Variants in ZMYM4 observed in about 807,000 individuals in gnomAD.
The protein encoded by ZMYM4 is zinc finger MYM-type protein 4.
A neutral mutation model predicts 183.2 loss-of-function variants in ZMYM4; 31 were observed. That is an observed-to-expected ratio of 0.17 (90% CI 0.13 to 0.23). The LOEUF (loss-of-function observed/expected upper bound fraction) is 0.23. Ranked by LOEUF, ZMYM4 falls within the 10% of genes least tolerant of loss-of-function variation. The pLI is 1.00. For synonymous variants in ZMYM4, 592 were observed against 631.2 expected (o/e 0.94, Z 0.93); for missense variants, 1,273 against 1,840.3 (o/e 0.69, Z 5.64).
intron 27 of ZMYM4, 57 bp downstream of exon 27, chr1:35,414,140 T>G: frequency 9.2e-7 from 1 of 1,089,088 alleles, no homozygotes. Flanking sequence ...TTGCTTAACT[T>G]TTTTGGTTAT....
intron 1 of ZMYM4, among the ~76,000 whole-genome samples, chr1:35,321,957 T>A (rs1207081387): frequency 4.9e-5 from 7 of 144,214 alleles, no homozygotes; most frequent in East Asian, 4.0e-4. Context: ...ATATTGCATT[T>A]AAAAAAAAAA....
intron 24 of ZMYM4, 23 bp downstream of exon 24, chr1:35,405,217 A>G: frequency 2.5e-6 from 4 of 1,609,748 alleles, no homozygotes; most frequent in Non-Finnish European, 3.4e-6. Flanking sequence ...CATGAATTGT[A>G]TCTTGATTTA....
intron 1 of ZMYM4, 26 bp downstream of exon 1, chr1:35,269,111 G>T (rs1425334296): frequency 1.0e-5 from 16 of 1,545,476 alleles, no homozygotes; most frequent in Non-Finnish European, 1.4e-5. Context: ...CAGAACTCGG[G>T]CGGCGGGGGG....
intron 1 of ZMYM4, among the ~76,000 whole-genome samples, chr1:35,272,116 C>G (rs1436557569): frequency 6.6e-6 from 1 of 151,902 alleles, no homozygotes; most frequent in Non-Finnish European, 1.5e-5. Context: ...CATGTGGATT[C>G]CATATGTATA....
At chr1:35,370,168 G>T in intron 6 of ZMYM4, 55 bp downstream of exon 6, 1 of 1,583,290 alleles carries the variant, frequency 6.3e-7, no homozygotes, top group South Asian at 1.1e-5. Context: ...ATATGAATGA[G>T]AAGAAATTCT....
At position 35,359,124 on chromosome 1, in the gene ZMYM4, T is replaced by C. The variant is rs1183574307; in HGVS notation, c.285T>C (p.Phe95=). ...GTGACAATGAGGATGAACAGGATTTTAGTTCAAAGGACAATCTTGTTTCTT... is the reference window on the plus strand; with the variant it reads ...GTGACAATGAGGATGAACAGGATTTCAGTTCAAAGGACAATCTTGTTTCTT... The part of the protein sequence containing the change: ...VGSDNEDEQD[F]SSKDNLVSSI... The change falls in exon 3 of 30, where the codon TTT becomes TTC. Residue 95 remains phenylalanine, a synonymous_variant. Coordinates refer to ENST00000314607, the MANE Select transcript of ZMYM4 (RefSeq NM_005095.3). 1 of 1,613,846 alleles carries C rather than the reference T, an allele frequency of 6.2e-7. No individual in the cohort carries two copies. Among genetic ancestry groups the C allele is most frequent in the Non-Finnish European group, 8.5e-7 (1 of 1,179,762 alleles).
intron 27 of ZMYM4, 72 bp downstream of exon 27, chr1:35,414,155 A>T (rs1346651864): frequency 1.1e-6 from 1 of 925,008 alleles, no homozygotes; most frequent in Non-Finnish European, 1.7e-6. Flanking sequence ...GGTTATCTTT[A>T]AAAAAATTGT....
In ZMYM4 at chr1:35,405,097, C is replaced by T. The variant is rs1311170283; in HGVS notation, c.3603C>T (p.Ser1201=). 3.1e-6 allele frequency: 5 copies of T among 1,613,920 alleles called. No homozygotes were observed. Among genetic ancestry groups the T allele is most frequent in the Admixed American group, 1.7e-5 (1 of 59,992 alleles). ...GAGCCTTTCAAGGCTGCTCAGTGTC[C>T]GGGATGACACTGAAATACATGTATG... The part of the protein sequence containing the change: ...IQGAFQGCSV[S]GMTLKYMYGV... Residue 1201 remains serine, a synonymous_variant, in exon 24 of 30, where the codon TCC becomes TCT. Coordinates refer to ENST00000314607, the MANE Select transcript of ZMYM4 (RefSeq NM_005095.3).
chr1:35,366,987 G>A (rs1050211575), intron 5 of ZMYM4, among the ~76,000 whole-genome samples: 13 of 149,658 alleles, frequency 8.7e-5, no homozygotes, highest in Non-Finnish European at 1.3e-4. Flanking sequence ...TCGCACCATC[G>A]TGCCCCAGCT....
At chr1:35,376,322 A>G (rs1313385190) in intron 7 of ZMYM4, among the ~76,000 whole-genome samples, 1 of 152,164 alleles carries the variant, frequency 6.6e-6, no homozygotes. Flanking sequence ...GAGCAGTGAA[A>G]AAATACCTAA....
rs188625886 is a variant in ZMYM4 at position 35,401,342 on chromosome 1, A to G, written c.3528+1766A>G. 8.5e-5 allele frequency among the ~76,000 whole-genome samples: 13 copies of G among 152,328 alleles called. 2 individuals are homozygous for G. The highest frequency in any genetic ancestry group is 2.6e-4 in the African/African-American group (11 of 41,570). On this transcript the variant is annotated intron_variant, in intron 23 of 29. Coordinates refer to ENST00000314607, the MANE Select transcript of ZMYM4 (RefSeq NM_005095.3). ...GCCATTCTAGTCAATGTATAGTGGT[A>G]CCTCATTATGGTTTTAATTTGTTTT... is the stretch of plus-strand genomic sequence containing the variant.
At chr1:35,277,256 A>G (rs1385540758) in intron 1 of ZMYM4, among the ~76,000 whole-genome samples, 2 of 152,228 alleles carry the variant, frequency 1.3e-5, no homozygotes, top group African/African-American at 4.8e-5. Flanking sequence ...TCTGTAGCCA[A>G]GATTGAGAGC....
At chr1:35,272,331 C>T (rs1407567806) in intron 1 of ZMYM4, among the ~76,000 whole-genome samples, 1 of 152,182 alleles carries the variant, frequency 6.6e-6, no homozygotes, top group Non-Finnish European at 1.5e-5. Flanking sequence ...TTGCTAAGCA[C>T]CTGTGCTATT....
intron 2 of ZMYM4, among the ~76,000 whole-genome samples, chr1:35,339,940 G>C (rs1643135149): frequency 6.6e-6 from 1 of 151,924 alleles, no homozygotes. Context: ...ATGTTTTCTT[G>C]GACTGTTTGT....
intron 5 of ZMYM4, among the ~76,000 whole-genome samples, chr1:35,362,311 T>C (rs1643956385): frequency 6.6e-6 from 1 of 152,196 alleles, no homozygotes; most frequent in Non-Finnish European, 1.5e-5. Context: ...AAGTTTGAGA[T>C]CTGTGAGTAA....
intron 1 of ZMYM4, among the ~76,000 whole-genome samples, chr1:35,291,671 C>T (rs1235308433): frequency 1.4e-4 from 19 of 135,048 alleles, no homozygotes; most frequent in Non-Finnish European, 2.3e-4. Flanking sequence ...GAGTTTCACT[C>T]TTGTCACCCC....
chr1:35,392,983 C>A (rs1040377997), intron 17 of ZMYM4, among the ~76,000 whole-genome samples: 1 of 152,124 alleles, frequency 6.6e-6, no homozygotes, highest in Non-Finnish European at 1.5e-5. Flanking sequence ...GTGATGTACT[C>A]AGATTATAAA....
intron 1 of ZMYM4, among the ~76,000 whole-genome samples, chr1:35,311,305 C>T (rs899073268): frequency 4.0e-5 from 6 of 151,836 alleles, no homozygotes; most frequent in African/African-American, 7.3e-5. Context: ...ACCTGTAATC[C>T]CAGCTACTCA....
intron 26 of ZMYM4, among the ~76,000 whole-genome samples, chr1:35,409,758 G>A (rs1362695203): frequency 4.6e-5 from 7 of 151,758 alleles, no homozygotes; most frequent in Non-Finnish European, 1.0e-4. Flanking sequence ...TGGCCAACAT[G>A]GTGAAACCCT....
Sources: allele counts gnomAD v4.1 joint callset (sites outside exome capture counted in the v4.1 genomes callset), GRCh38; gene constraint gnomAD v4.1.1; transcripts MANE v1.5; gene names NCBI Gene and HGNC (gene_info 2026-07-23, HGNC 2026-07-21).